Variants in PIEZO2 observed in about 807,000 individuals in gnomAD.
PIEZO2 encodes piezo type mechanosensitive ion channel component 2.
Under a neutral mutation model 337.3 loss-of-function variants are expected in PIEZO2, and 172 were observed. The observed-to-expected ratio is 0.51, with a 90% CI of 0.45 to 0.58. The LOEUF (loss-of-function observed/expected upper bound fraction) is 0.58. Among genes scored for constraint, PIEZO2 ranks in the 20% least tolerant of loss-of-function variants. The pLI is 0.00. For synonymous variants in PIEZO2, 1,251 were observed against 1,228.5 expected (o/e 1.02, Z -0.38); for missense variants, 3,028 against 3,391.3 (o/e 0.89, Z 2.66).
chr18:10,851,203 A>G (rs1184784091), intron 7 of PIEZO2, among the ~76,000 whole-genome samples: 1 of 132,870 alleles, frequency 7.5e-6, no homozygotes, highest in East Asian at 2.1e-4. Flanking sequence ...CTTCCAACTC[A>G]GAGTTTGGGG....
chr18:10,785,023 G>T, intron 16 of PIEZO2, 66 bp from the exon 17 acceptor site: 1 of 1,452,174 alleles, frequency 6.9e-7, no homozygotes, highest in Non-Finnish European at 9.1e-7. Flanking sequence ...AACTCTTTGT[G>T]ATAAACTACA....
Position 10,671,563 on chromosome 18 carries a change from C to T in PIEZO2, c.8562G>A (p.Glu2854=). The T allele has an allele frequency of 6.2e-7, 1 of 1,613,500 alleles. No homozygotes were observed. ...AKLIFLYRSP[E]TMIKWTREKT... is the part of the protein sequence containing the mutation. ...TTTCTCTAGTCCATTTGATCATTGT[C>T]TCTGGTGAGCGATATAGGAATATTA... Residue 2854 remains glutamate, a synonymous_variant, in exon 56 of 56, where the codon GAG becomes GAA. Coordinates refer to ENST00000674853, the MANE Select transcript of PIEZO2 (RefSeq NM_001378183.1).
intron 11 of PIEZO2, among the ~76,000 whole-genome samples, chr18:10,798,829 C>T (rs752072822): frequency 5.9e-5 from 9 of 152,178 alleles, no homozygotes; most frequent in Non-Finnish European, 1.0e-4. Context: ...CTGAAGAGCA[C>T]ACTGGAAAGC....
intron 1 of PIEZO2, among the ~76,000 whole-genome samples, chr18:11,079,813 T>A (rs1283093898): frequency 2.0e-5 from 3 of 152,180 alleles, no homozygotes; most frequent in African/African-American, 7.2e-5. Context: ...TGAAAAAGCA[T>A]GTCTACCAAT....
intron 20 of PIEZO2, 64 bp from the exon 21 acceptor site, chr18:10,770,372 T>C (rs2038549411): frequency 2.8e-6 from 4 of 1,430,976 alleles, no homozygotes; most frequent in African/African-American, 1.4e-5. Context: ...TTAAAGCATA[T>C]CTTGTAACTT....
intron 2 of PIEZO2, among the ~76,000 whole-genome samples, chr18:11,053,580 C>G (rs2037607512): frequency 6.6e-6 from 1 of 152,222 alleles, no homozygotes; most frequent in African/African-American, 2.4e-5. Context: ...CTGTGATGGG[C>G]ATGTTAGCCA....
Position 11,078,168 on chromosome 18 carries a change from C to T in PIEZO2, c.65-11946G>A, listed in dbSNP as rs866788365. Among the ~76,000 whole-genome samples the T allele has an allele frequency of 1.3e-5, 2 of 151,060 alleles. No individual in the cohort carries two copies. The highest frequency in any genetic ancestry group is 3.0e-5 in the Non-Finnish European group (2 of 67,662). The stretch of plus-strand genomic sequence containing the variant: ...CTCACCACACACACACATACACACA[C>T]CACACACACATACACACACACACTT... On this transcript the variant is annotated intron_variant, in intron 1 of 55. Coordinates refer to ENST00000674853, the MANE Select transcript of PIEZO2 (RefSeq NM_001378183.1). This position sits in a 1 kb window ranked among gnomAD's most constrained non-coding sequence, Gnocchi z 5.3.
intron 1 of PIEZO2, among the ~76,000 whole-genome samples, chr18:11,068,568 T>C (rs1262110323): frequency 6.6e-6 from 1 of 151,378 alleles, no homozygotes; most frequent in African/African-American, 2.4e-5. Flanking sequence ...TAGCAATAAA[T>C]GCTTACATAA....
In PIEZO2 at chr18:10,775,269, C is replaced by A. The variant is rs1245181920; in HGVS notation, c.2535-1231G>T. Among the ~76,000 whole-genome samples, 3 of 152,164 alleles carry A rather than the reference C, an allele frequency of 2.0e-5. No individual in the cohort carries two copies. ...CTACTCTTAAAATTGCAACCCATAT[C>A]TTCTATACCAGTGCCACACACCAAA... On this transcript the variant is annotated intron_variant, in intron 18 of 55. Transcript: ENST00000674853. The surrounding 1 kb of genome is among the most constrained non-coding windows in gnomAD (Gnocchi z 4.3).
At chr18:10,779,296 T>C (rs1373761550) in intron 18 of PIEZO2, among the ~76,000 whole-genome samples, 1 of 152,232 alleles carries the variant, frequency 6.6e-6, no homozygotes, top group Non-Finnish European at 1.5e-5. Flanking sequence ...ATTTTGTTAA[T>C]TGGATTTATT....
Position 11,092,345 on chromosome 18 carries a change from A to G in PIEZO2, c.65-26123T>C, listed in dbSNP as rs893950919. Among the ~76,000 whole-genome samples the G allele has an allele frequency of 6.6e-6, 1 of 152,230 alleles. No individual in the cohort carries two copies. The highest frequency in any genetic ancestry group is 6.5e-5 in the Admixed American group (1 of 15,274). On this transcript the variant is annotated intron_variant, in intron 1 of 55. Transcript: ENST00000674853. This position sits in a 1 kb window ranked among gnomAD's most constrained non-coding sequence, Gnocchi z 4.5. ...TGCCAAGAGATTGTTAAACATAATA[A>G]ATACAGAAAACTAAAAATACTATAT...
intron 18 of PIEZO2, among the ~76,000 whole-genome samples, chr18:10,780,077 C>T (rs1159588440): frequency 1.3e-5 from 2 of 152,144 alleles, no homozygotes; most frequent in South Asian, 2.1e-4. Flanking sequence ...ATGAATGGGA[C>T]GTAAGTTTGA....
chr18:10,819,380 TA>T lies in PIEZO2; in HGVS notation c.918-12107del, dbSNP rs1167958900. Among the ~76,000 whole-genome samples, 2 of 152,096 alleles carry T rather than the reference TA, an allele frequency of 1.3e-5. No individual in the cohort carries two copies. The highest frequency in any genetic ancestry group is 4.8e-5 in the African/African-American group (2 of 41,428). On this transcript the variant is annotated intron_variant, in intron 7 of 55. Coordinates refer to ENST00000674853, the MANE Select transcript of PIEZO2 (RefSeq NM_001378183.1). This position sits in a 1 kb window ranked among gnomAD's most constrained non-coding sequence, Gnocchi z 4.3. ...ATTCTAATGAATATCTATTCAAAAA[TA>T]AAAAAGAATTAAAGATTTTAGATTA... is the stretch of plus-strand genomic sequence containing the variant.
At chr18:11,084,951 C>G (rs941158725) in intron 1 of PIEZO2, among the ~76,000 whole-genome samples, 9 of 152,234 alleles carry the variant, frequency 5.9e-5, no homozygotes, top group Admixed American at 5.9e-4. Context: ...CCATTTGGCT[C>G]TTTGGTTCAT....
intron 4 of PIEZO2, among the ~76,000 whole-genome samples, chr18:10,906,639 C>T (rs918198171): frequency 2.0e-5 from 3 of 152,052 alleles, no homozygotes; most frequent in African/African-American, 7.2e-5. Flanking sequence ...GGGCTCACTG[C>T]AACCTCCGCC....
intron 7 of PIEZO2, among the ~76,000 whole-genome samples, chr18:10,839,623 G>A (rs1039029676): frequency 2.0e-5 from 3 of 152,202 alleles, no homozygotes; most frequent in African/African-American, 7.2e-5. Context: ...TGGCAGTAAA[G>A]CAGCAGGAGT....
intron 37 of PIEZO2, among the ~76,000 whole-genome samples, chr18:10,717,237 C>T (rs969735568): frequency 1.3e-5 from 2 of 152,186 alleles, no homozygotes; most frequent in Admixed American, 6.5e-5. Context: ...GACATGTGAT[C>T]TGAAGTGTTG....
intron 2 of PIEZO2, among the ~76,000 whole-genome samples, chr18:11,059,969 A>T (rs1249646392): frequency 6.6e-6 from 1 of 152,170 alleles, no homozygotes; most frequent in East Asian, 1.9e-4. Context: ...TCTCAGCACC[A>T]CACCGCACTT....
At position 10,726,734 on chromosome 18, in the gene PIEZO2, G is replaced by A; in HGVS notation, c.5029+4673C>T. The stretch of plus-strand genomic sequence containing the variant: ...GGCATCCTGTGCATTCTGGGACATC[G>A]CCAGACCATCGATTTCCCGCTGCTG... On this transcript the variant is annotated intron_variant, in intron 36 of 55. Coordinates refer to ENST00000674853, the MANE Select transcript of PIEZO2 (RefSeq NM_001378183.1). This position sits in a 1 kb window ranked among gnomAD's most constrained non-coding sequence, Gnocchi z 5.9. The A allele has an allele frequency of 6.9e-7, 1 of 1,452,186 alleles. No homozygotes were observed. Among genetic ancestry groups the A allele is most frequent in the Non-Finnish European group, 9.6e-7 (1 of 1,037,386 alleles). 90.0% of individuals were successfully genotyped at this position (1,452,186 alleles called of 1,614,324 possible).
Sources: allele counts gnomAD v4.1 joint callset (sites outside exome capture counted in the v4.1 genomes callset), GRCh38; gene constraint gnomAD v4.1.1; non-coding constraint Gnocchi (gnomAD v3.1); transcripts MANE v1.5; gene names NCBI Gene and HGNC (gene_info 2026-07-23, HGNC 2026-07-21).